Variants in DRC9 observed in about 807,000 individuals in gnomAD.
DRC9 encodes the protein dynein regulatory complex subunit 9, also known as dynein regulatory complex protein 9.
At chr3:197,926,890 A>C in the DRC9 span, among the ~76,000 whole-genome samples, 1 of 152,082 alleles carries the variant, frequency 6.6e-6, no homozygotes, top group African/African-American at 2.4e-5. Context: ...TCCCCTGATA[A>C]AATCTTTGCA....
At chr3:197,933,618 G>A in the DRC9 span, among the ~76,000 whole-genome samples, 1 of 151,988 alleles carries the variant, frequency 6.6e-6, no homozygotes, top group East Asian at 1.9e-4. Flanking sequence ...TACCATGGTA[G>A]AGACTTGGTT....
chr3:197,921,796 G>A, the DRC9 span, among the ~76,000 whole-genome samples: 4 of 142,822 alleles, frequency 2.8e-5, no homozygotes, highest in East Asian at 4.0e-4. Context: ...TGGTCGACCC[G>A]ACTACTGGTT....
the DRC9 span, among the ~76,000 whole-genome samples, chr3:197,933,499 T>A: frequency 6.6e-6 from 1 of 152,254 alleles, no homozygotes; most frequent in African/African-American, 2.4e-5. Context: ...TAAAAAAATT[T>A]TTTTAAATGA....
chr3:197,906,622 T>G, the DRC9 span: 2 of 152,212 alleles, frequency 1.3e-5, no homozygotes, highest in Admixed American at 6.5e-5. Flanking sequence ...TTCAGTCATC[T>G]CAGAAGGCCT....
the DRC9 span, among the ~76,000 whole-genome samples, chr3:197,930,729 A>T: frequency 7.2e-6 from 1 of 139,422 alleles, no homozygotes; most frequent in South Asian, 2.3e-4. Context: ...AGCGAGACTC[A>T]GTCTCAGAAA....
At chr3:197,950,309 G>C in the DRC9 span, 1 of 1,229,342 alleles carries the variant, frequency 8.1e-7, no homozygotes, top group Non-Finnish European at 1.0e-6. Flanking sequence ...GGTGCGTATC[G>C]GAGTCTCTGC....
the DRC9 span, among the ~76,000 whole-genome samples, chr3:197,899,714 G>A: frequency 6.6e-6 from 1 of 152,172 alleles, no homozygotes; most frequent in East Asian, 1.9e-4. Flanking sequence ...CAGAGTGAGA[G>A]GGCGAAATAG....
chr3:197,939,043 G>A, the DRC9 span: 1 of 400,014 alleles, frequency 2.5e-6, no homozygotes, highest in Admixed American at 4.2e-5. Context: ...ATCTCTGTTA[G>A]CAGGCATTTC....
chr3:197,922,451 A>G, the DRC9 span, among the ~76,000 whole-genome samples: 6 of 152,286 alleles, frequency 3.9e-5, no homozygotes, highest in African/African-American at 1.4e-4. Flanking sequence ...CACATCTGTA[A>G]TCTCAGCACT....
chr3:197,926,471 C>T, the DRC9 span, among the ~76,000 whole-genome samples: 1 of 152,210 alleles, frequency 6.6e-6, no homozygotes, highest in South Asian at 2.1e-4. Flanking sequence ...ACTTCAATTA[C>T]ATATTCTAAC....
At chr3:197,954,558 G>A in the DRC9 span, 1 of 307,418 alleles carries the variant, frequency 3.3e-6, no homozygotes. Flanking sequence ...CACGCAGGCT[G>A]GAGTGCAGTG....
At chr3:197,939,226 C>A in the DRC9 span, among the ~76,000 whole-genome samples, 1 of 152,098 alleles carries the variant, frequency 6.6e-6, no homozygotes, top group Non-Finnish European at 1.5e-5. Flanking sequence ...TCTTTGTAGT[C>A]CCATTGCTTA....
At chr3:197,917,096 G>A in the DRC9 span, among the ~76,000 whole-genome samples, 9 of 152,278 alleles carry the variant, frequency 5.9e-5, no homozygotes, top group East Asian at 1.9e-4. Flanking sequence ...CAGGAGGCTC[G>A]CTTGAACCCA....
the DRC9 span, among the ~76,000 whole-genome samples, chr3:197,945,296 CT>C: frequency 6.6e-6 from 1 of 152,188 alleles, no homozygotes; most frequent in African/African-American, 2.4e-5. Flanking sequence ...ACTAAGGCCT[CT>C]TGCCGGCAGC....
the DRC9 span, chr3:197,953,929 C>G: frequency 4.0e-6 from 6 of 1,513,780 alleles, no homozygotes; most frequent in East Asian, 1.4e-4. Context: ...GAGAGCCACT[C>G]GTGTAGAGGT....
chr3:197,914,114 G>T, the DRC9 span: 1 of 1,320,890 alleles, frequency 7.6e-7, no homozygotes, highest in East Asian at 2.3e-5. Context: ...AGCGGCTTAC[G>T]GTTCCCTTTT....
At chr3:197,947,125 A>C in the DRC9 span, among the ~76,000 whole-genome samples, 1 of 152,032 alleles carries the variant, frequency 6.6e-6, no homozygotes, top group Non-Finnish European at 1.5e-5. Flanking sequence ...TTTACTTTCT[A>C]TTTCCATATC....
At chr3:197,933,923 G>C in the DRC9 span, among the ~76,000 whole-genome samples, 1 of 145,550 alleles carries the variant, frequency 6.9e-6, no homozygotes, top group African/African-American at 2.6e-5. Context: ...CGACTCTCCC[G>C]CCTTAGCCTC....
chr3:197,895,891 C>T, the DRC9 span, among the ~76,000 whole-genome samples: 5 of 149,090 alleles, frequency 3.4e-5, no homozygotes, highest in African/African-American at 1.3e-4. Context: ...AAGAGGATCA[C>T]TTGAGCCCAG....
Sources: allele counts gnomAD v4.1 joint callset (sites outside exome capture counted in the v4.1 genomes callset), GRCh38; gene constraint gnomAD v4.1.1; transcripts MANE v1.5; gene names NCBI Gene and HGNC (gene_info 2026-07-23, HGNC 2026-07-21).